The following CBX8 variants were observed in gnomAD, a reference collection of about 807,000 sequenced individuals.
CBX8 encodes chromobox 8.
A neutral mutation model predicts 39.7 loss-of-function variants in CBX8; 8 were observed. The ratio of observed to expected loss-of-function variants is 0.20; its 90% CI spans 0.12 to 0.36. The LOEUF is 0.36. Ranked by LOEUF, CBX8 falls within the 10% of genes least tolerant of loss-of-function variation. The probability of loss-of-function intolerance (pLI) is 1.00; values close to 1 mark genes in which losing one functional copy is unlikely to be tolerated. For missense variants in CBX8, 505 were observed against 529.6 expected (o/e 0.95, Z 0.46); for synonymous variants, 268 against 219.8 (o/e 1.22, Z -1.94).
Position 79,796,939 on chromosome 17 carries a change from G to A in CBX8, c.60C>T (p.Arg20=), listed in dbSNP as rs1291377882. The A allele has an allele frequency of 1.2e-6, 2 of 1,609,332 alleles. No homozygotes were observed. The highest frequency in any genetic ancestry group is 1.3e-5 in the African/African-American group (1 of 74,588). ...GCCCGGGGGCACCTACTTTCCGTAT[G>A]CGCCGCTTCAGGAGGGCTTCGGCCG... The part of the protein sequence containing the change: ...VFAAEALLKR[R]IRKGRMEYLV... Residue 20 remains arginine (R), a synonymous_variant, in exon 1 of 5, where the codon CGC becomes CGT. Coordinates refer to ENST00000269385, the MANE Select transcript of CBX8 (RefSeq NM_020649.3).
At chr17:79,796,788 A>AGCTGCC (rs1908110716) in intron 1 of CBX8, 142 bp downstream of exon 1, 1 of 614,226 alleles carries the variant, frequency 1.6e-6, no homozygotes, top group Non-Finnish European at 2.5e-6. Context: ...CTGGGCTCAG[A>AGCTGCC]GCTGCCGCCG....
Position 79,793,218 on chromosome 17 carries a change from A to G in CBX8, c.*1417T>C, listed in dbSNP as rs1907941230. The G allele has an allele frequency of 2.0e-5, 3 of 151,324 alleles. No homozygotes were observed. Among genetic ancestry groups the G allele is most frequent in the Admixed American group, 1.3e-4 (2 of 15,216 alleles). The allele number at this position is 151,324 out of a possible 1,614,324, so 9.4% of individuals were successfully genotyped here. Reference sequence around the variant, plus strand: ...CCCGCCGCGGCCGTCCCCACTCCCAACTCCCGCTCCTCCCTCCCCCTTTGG... The same window carrying G: ...CCCGCCGCGGCCGTCCCCACTCCCAGCTCCCGCTCCTCCCTCCCCCTTTGG... On this transcript the variant is annotated 3_prime_UTR_variant, in exon 5 of 5. Transcript: ENST00000269385.
In CBX8 at chr17:79,795,441, C is replaced by T; in HGVS notation, c.364G>A (p.Glu122Lys). The T allele has an allele frequency of 6.2e-7, 1 of 1,605,816 alleles. No homozygotes were observed. The highest frequency in any genetic ancestry group is 8.5e-7 in the Non-Finnish European group (1 of 1,176,312). ...QDLASTSRAREGLRNMGLSPP... is the reference protein window; with the variant it reads ...QDLASTSRARKGLRNMGLSPP... ...GACAAACCCATGTTTCGAAGGCCCT[C>T]CCGGGCCCGGGAAGTGGAGGCCAGG... The change falls in exon 5 of 5, where the codon GAG (glutamate) becomes AAG (lysine). Residue 122 changes from glutamate (E) to lysine (K), a missense_variant. Physicochemically the swap from Glu to Lys is moderately conservative, Grantham distance 56. Coordinates refer to ENST00000269385, the MANE Select transcript of CBX8 (RefSeq NM_020649.3). This position sits in a 1 kb window ranked among gnomAD's most constrained non-coding sequence, Gnocchi z 5.8.
chr17:79,796,600 G>A, intron 1 of CBX8, 60 bp from the exon 2 acceptor site: 1 of 1,589,804 alleles, frequency 6.3e-7, no homozygotes, highest in Non-Finnish European at 8.6e-7. Flanking sequence ...GAGGATACAA[G>A]AAATGCATGC....
In CBX8 at chr17:79,795,502, G is replaced by C. The variant is rs1908051193; in HGVS notation, c.303C>G (p.Gly101=). The change falls in exon 5 of 5, where the codon GGC becomes GGG. Residue 101 remains glycine (G), a synonymous_variant. Transcript: ENST00000269385. This position sits in a 1 kb window ranked among gnomAD's most constrained non-coding sequence, Gnocchi z 5.8. ...TYEFRSDSAR[G]IRIPYPGRSP... ...AGCGGCCAGGGTAGGGGATCCGGAT[G>C]CCCCTGGCTGAGTCACTTCGAAACT... The C allele has an allele frequency of 1.3e-6, 2 of 1,553,618 alleles. No homozygotes were observed. Among genetic ancestry groups the C allele is most frequent in the Admixed American group, 4.0e-5 (2 of 49,474 alleles).
Position 79,797,011 on chromosome 17 carries a change from C to T in CBX8, c.-13G>A. On this transcript the variant is annotated 5_prime_UTR_variant, in exon 1 of 5. Transcript: ENST00000269385. ...CTGAAAGCTCCATGTTGACTCGCCG[C>T]TTCCCCCCTTGGCCGCTTCCAGGAG... is the stretch of plus-strand genomic sequence containing the variant. 1 of 1,606,746 alleles carries T rather than the reference C, an allele frequency of 6.2e-7. No individual in the cohort carries two copies. Among genetic ancestry groups the T allele is most frequent in the Non-Finnish European group, 8.5e-7 (1 of 1,177,388 alleles).
Position 79,795,602 on chromosome 17 carries a change from C to T in CBX8, c.247-44G>A, listed in dbSNP as rs1908055992. 1 of 1,435,060 alleles carries T rather than the reference C, an allele frequency of 7.0e-7. No individual in the cohort carries two copies. The highest frequency in any genetic ancestry group is 9.2e-7 in the Non-Finnish European group (1 of 1,084,804). 88.9% of individuals were successfully genotyped at this position (1,435,060 alleles called of 1,614,324 possible). On this transcript the variant is annotated intron_variant, in intron 4 of 4. Transcript: ENST00000269385. This position sits in a 1 kb window ranked among gnomAD's most constrained non-coding sequence, Gnocchi z 5.8. ...TCTCAAGAGTGGGGCAGGGCCCTGT[C>T]CACCCCCACAGGACTCCTCCTCTAT...
chr17:79,794,733 G>A lies in CBX8; in HGVS notation c.1072C>T (p.Leu358=), dbSNP rs1908001187. The part of the protein sequence containing the change: ...EESWSPSLTN[L]EKVVVTDVTS... ...ACGTCCGTGACCACCACCTTCTCCAGGTTAGTCAGGGAGGGGCTCCAGGAC... is the reference window on the plus strand; with the variant it reads ...ACGTCCGTGACCACCACCTTCTCCAAGTTAGTCAGGGAGGGGCTCCAGGAC... Residue 358 remains leucine (L), a synonymous_variant, in exon 5 of 5, where the codon CTG becomes TTG. Coordinates refer to ENST00000269385, the MANE Select transcript of CBX8 (RefSeq NM_020649.3). The A allele has an allele frequency of 6.2e-7, 1 of 1,613,172 alleles. No individual in the cohort carries two copies. Among genetic ancestry groups the A allele is most frequent in the Admixed American group, 1.7e-5 (1 of 59,870 alleles).
chr17:79,796,857 A>C (rs1908114730), intron 1 of CBX8, 73 bp downstream of exon 1: 2 of 1,382,468 alleles, frequency 1.4e-6, no homozygotes, highest in South Asian at 2.5e-5. Context: ...GCTGGGCTGC[A>C]GCAGGGGGAG....
At position 79,793,880 on chromosome 17, in the gene CBX8, G is replaced by T. The variant is rs1323679839; in HGVS notation, c.*755C>A. The T allele has an allele frequency of 6.6e-6, 1 of 152,046 alleles. No homozygotes were observed. Among genetic ancestry groups the T allele is most frequent in the African/African-American group, 2.4e-5 (1 of 41,370 alleles). The allele number at this position is 152,046 out of a possible 1,614,324, so 9.4% of individuals were successfully genotyped here. A position where few individuals can be genotyped will look rare whatever the true frequency, so the allele number is the denominator to read the frequency against. On this transcript the variant is annotated 3_prime_UTR_variant, in exon 5 of 5. Coordinates refer to ENST00000269385, the MANE Select transcript of CBX8 (RefSeq NM_020649.3). ...GATTTTATCCACATGACATACACAC[G>T]ATCTGCGTGTACCACACACACACCC...
chr17:79,796,797 CG>C, intron 1 of CBX8, 132 bp downstream of exon 1: 1 of 852,168 alleles, frequency 1.2e-6, no homozygotes, highest in Non-Finnish European at 1.8e-6. Context: ...GAGCTGCCGC[CG>C]CCGCCGCCGC....
In CBX8 at chr17:79,793,444, G is replaced by A. The variant is rs1187017937; in HGVS notation, c.*1191C>T. 3.3e-5 allele frequency: 5 copies of A among 152,212 alleles called. No homozygotes were observed. Among genetic ancestry groups the A allele is most frequent in the African/African-American group, 1.2e-4 (5 of 41,442 alleles). The allele number at this position is 152,212 out of a possible 1,614,324, so 9.4% of individuals were successfully genotyped here. A position where few individuals can be genotyped will look rare whatever the true frequency, so the allele number is the denominator to read the frequency against. On this transcript the variant is annotated 3_prime_UTR_variant, in exon 5 of 5. Coordinates refer to ENST00000269385, the MANE Select transcript of CBX8 (RefSeq NM_020649.3). ...CGGGGGTGAGTCTAGCCCCAGCTCC[G>A]AGCTCCGAGCCGTGGTCCTCAGCCA...
At position 79,796,911 on chromosome 17, in the gene CBX8, T is replaced by C. The variant is rs754542850; in HGVS notation, c.69+19A>G. On this transcript the variant is annotated intron_variant, in intron 1 of 4. Coordinates refer to ENST00000269385, the MANE Select transcript of CBX8 (RefSeq NM_020649.3). ...GGAGGGCCCGGCCGCACGGAGGCCC[T>C]AGGCCCGGGGGCACCTACTTTCCGT... is the stretch of plus-strand genomic sequence containing the variant. The C allele has an allele frequency of 9.4e-6, 15 of 1,594,180 alleles. No individual in the cohort carries two copies. In the East Asian group the frequency reaches 2.8e-4, roughly 29 times the overall value.
chr17:79,796,047 G>A lies in CBX8; in HGVS notation c.246+10C>T, dbSNP rs757635969. Reference sequence around the variant, plus strand: ...ACATGGTCCTCCACCATTGGACACTGCCAACCTACTTTGAGGAGGAAGGTT... The same window carrying A: ...ACATGGTCCTCCACCATTGGACACTACCAACCTACTTTGAGGAGGAAGGTT... On this transcript the variant is annotated intron_variant, in intron 4 of 4. Transcript: ENST00000269385. 1 of 1,613,624 alleles carries A rather than the reference G, an allele frequency of 6.2e-7. No homozygotes were observed. Among genetic ancestry groups the A allele is most frequent in the East Asian group, 2.2e-5 (1 of 44,878 alleles).
In CBX8 at chr17:79,794,076, G is replaced by A. The variant is rs537535291; in HGVS notation, c.*559C>T. The A allele has an allele frequency of 4.6e-5, 7 of 151,932 alleles. No individual in the cohort carries two copies. Among genetic ancestry groups the A allele is most frequent in the Admixed American group, 2.6e-4 (4 of 15,274 alleles). 9.4% of individuals were successfully genotyped at this position (151,932 alleles called of 1,614,324 possible). A position where few individuals can be genotyped will look rare whatever the true frequency, so the allele number is the denominator to read the frequency against. On this transcript the variant is annotated 3_prime_UTR_variant, in exon 5 of 5. Transcript: ENST00000269385. ...AAAAAAAATAGAAAAAAGGAAAACA[G>A]ACTGACCCCACCCCCCCTTTTTTCT...
Position 79,795,155 on chromosome 17 carries a change from T to C in CBX8, c.650A>G (p.Glu217Gly), listed in dbSNP as rs1445959366. The change falls in exon 5 of 5, where the codon GAA (glutamate) becomes GGA (glycine). Residue 217 changes from glutamate to glycine, a missense_variant. By Grantham distance (98) the Glu-to-Gly change is moderately conservative. Transcript: ENST00000269385. This position sits in a 1 kb window ranked among gnomAD's most constrained non-coding sequence, Gnocchi z 5.8. ...LPDPSQRPLGEPSAGLGEYLK... is the reference protein window; with the variant it reads ...LPDPSQRPLGGPSAGLGEYLK... Reference sequence around the variant, plus strand: ...GTACTCTCCGAGGCCGGCGCTGGGTTCGCCTAAGGGCCTCTGTGAGGGGTC... The same window carrying C: ...GTACTCTCCGAGGCCGGCGCTGGGTCCGCCTAAGGGCCTCTGTGAGGGGTC... 6.2e-7 allele frequency: 1 copy of C among 1,613,798 alleles called. No individual in the cohort carries two copies. Among genetic ancestry groups the C allele is most frequent in the Non-Finnish European group, 8.5e-7 (1 of 1,179,962 alleles).
chr17:79,796,596 A>C (rs1908102646), intron 1 of CBX8, 56 bp from the exon 2 acceptor site: 1 of 1,594,320 alleles, frequency 6.3e-7, no homozygotes, highest in Admixed American at 1.7e-5. Flanking sequence ...TGACGAGGAT[A>C]CAAGAAATGC....
In CBX8 at chr17:79,797,038, A is replaced by G. The variant is rs371359474; in HGVS notation, c.-40T>C. On this transcript the variant is annotated 5_prime_UTR_variant, in exon 1 of 5. Transcript: ENST00000269385. ...TCCCCCCTTGGCCGCTTCCAGGAGC[A>G]GAAAAGCAGCAGCCAGCGCACGACA... 1.3e-5 allele frequency: 20 copies of G among 1,589,300 alleles called. No homozygotes were observed. Among genetic ancestry groups the G allele is most frequent in the Non-Finnish European group, 1.7e-5 (20 of 1,166,928 alleles).
rs1908008406 is a variant in CBX8 at position 79,794,868 on chromosome 17, G to T, written c.937C>A (p.Pro313Thr). The change falls in exon 5 of 5, where the codon CCC (proline) becomes ACC (threonine). Residue 313 changes from proline to threonine, a missense_variant. Coordinates refer to ENST00000269385, the MANE Select transcript of CBX8 (RefSeq NM_020649.3). ...TACAGGCCCCCCCCAGAGCTGGGGG[G>T]GCCTGAGCCATGTCGGACCCGGGTG... The part of the protein sequence containing the change: ...NGTRVRHGSG[P>T]PSSGGGLYRD... The T allele has an allele frequency of 3.7e-6, 6 of 1,611,776 alleles. No individual in the cohort carries two copies. Among genetic ancestry groups the T allele is most frequent in the South Asian group, 2.2e-5 (2 of 90,972 alleles).
Sources: allele counts gnomAD v4.1 joint callset, GRCh38; gene constraint gnomAD v4.1.1; non-coding constraint Gnocchi (gnomAD v3.1); transcripts MANE v1.5; gene names NCBI Gene and HGNC (gene_info 2026-07-23, HGNC 2026-07-21).